Variants in CEP112 observed in about 807,000 individuals in gnomAD.
CEP112 encodes the protein centrosomal protein of 112 kDa.
A neutral mutation model predicts 153.0 loss-of-function variants in CEP112; 127 were observed. That is an observed-to-expected ratio of 0.83 (90% confidence interval 0.72 to 0.96). The LOEUF (loss-of-function observed/expected upper bound fraction) is 0.96, where lower values mean the gene tolerates loss of function less well. Ranked by LOEUF, CEP112 falls within the 40% of genes least tolerant of loss-of-function variation. CEP112 has a pLI of 0.00. For missense variants in CEP112, 1,089 were observed against 1,101.2 expected (o/e 0.99, Z 0.16); for synonymous variants, 358 against 374.4 (o/e 0.96, Z 0.51).
chr17:65,823,270 A>G (rs908796100), intron 21 of CEP112, among the ~76,000 whole-genome samples: 14 of 152,150 alleles, frequency 9.2e-5, no homozygotes, highest in African/African-American at 3.1e-4. Context: ...TATACTACCT[A>G]TCTCTAAGAC....
chr17:65,988,728 GAGAAAAA>G lies in CEP112; in HGVS notation c.1736+16955_1736+16961del, dbSNP rs1259525101. Among the ~76,000 whole-genome samples the G allele has an allele frequency of 1.4e-4, 13 of 92,782 alleles. No homozygotes were observed. The East Asian group carries it at 2.4e-3, about 17-fold the overall frequency. The allele number at this position is 92,782 out of a possible 152,430, so 60.9% of individuals were successfully genotyped here. A position where few individuals can be genotyped will look rare whatever the true frequency, so the allele number is the denominator to read the frequency against. On this transcript the variant is annotated intron_variant, in intron 17 of 26. Coordinates refer to ENST00000535342, the MANE Select transcript of CEP112 (RefSeq NM_001199165.4). ...GCTACTTGAAAACACACATTGAGAG[GAGAAAAA>G]AGAAAAAAGAATGAGAAAAAAAGAT...
intron 4 of CEP112, among the ~76,000 whole-genome samples, chr17:66,144,500 C>A (rs193145398): frequency 6.6e-6 from 1 of 152,222 alleles, no homozygotes; most frequent in East Asian, 1.9e-4. Flanking sequence ...CAGGACCAGC[C>A]TGGCCATCAT....
At chr17:66,131,546 CCTGA>C (rs1225690585) in intron 5 of CEP112, among the ~76,000 whole-genome samples, 2 of 151,492 alleles carry the variant, frequency 1.3e-5, no homozygotes, top group Non-Finnish European at 2.9e-5. Flanking sequence ...TCAAGACCAT[CCTGA>C]CTAACACAGT....
chr17:65,864,729 A>C (rs1187427821), intron 20 of CEP112, among the ~76,000 whole-genome samples: 3 of 152,152 alleles, frequency 2.0e-5, no homozygotes, highest in Non-Finnish European at 2.9e-5. Flanking sequence ...GAGCACTACA[A>C]CACCACCGGC....
chr17:65,802,469 T>C (rs1384652737), intron 21 of CEP112, among the ~76,000 whole-genome samples: 1 of 152,204 alleles, frequency 6.6e-6, no homozygotes, highest in Non-Finnish European at 1.5e-5. Context: ...TAGTCATTTC[T>C]ATGTGTATGT....
At chr17:65,926,288 C>T (rs1360381787) in intron 19 of CEP112, among the ~76,000 whole-genome samples, 1 of 152,204 alleles carries the variant, frequency 6.6e-6, no homozygotes, top group East Asian at 1.9e-4. Flanking sequence ...GAGCTCATGG[C>T]TGGCTCCTTC....
At chr17:65,920,404 T>TATAA (rs1411367503) in intron 19 of CEP112, among the ~76,000 whole-genome samples, 4 of 111,354 alleles carry the variant, frequency 3.6e-5, no homozygotes, top group South Asian at 2.8e-4. Flanking sequence ...TATATATATA[T>TATAA]AATTATAATA....
At chr17:66,067,018 C>A (rs1352162654) in intron 9 of CEP112, 141 bp from the exon 10 acceptor site, 1 of 572 alleles carries the variant, frequency 1.7e-3, no homozygotes, top group Non-Finnish European at 3.7e-3. Context: ...AAATTATAAA[C>A]ACACACACAC....
At chr17:65,720,100 A>G (rs1217971492) in intron 23 of CEP112, among the ~76,000 whole-genome samples, 3 of 152,176 alleles carry the variant, frequency 2.0e-5, no homozygotes, top group Admixed American at 2.0e-4. Context: ...GAGGAAAGGA[A>G]GGGTTGGATC....
At chr17:66,019,472 G>A (rs1363869642) in intron 16 of CEP112, among the ~76,000 whole-genome samples, 1 of 152,118 alleles carries the variant, frequency 6.6e-6, no homozygotes, top group Non-Finnish European at 1.5e-5. Flanking sequence ...ATCACAGCAG[G>A]TTTAATAAAG....
chr17:65,809,790 A>C (rs2055834959), intron 21 of CEP112, among the ~76,000 whole-genome samples: 1 of 152,116 alleles, frequency 6.6e-6, no homozygotes, highest in South Asian at 2.1e-4. Context: ...AGTCATCAGC[A>C]TATAGATGGC....
intron 11 of CEP112, 96 bp from the exon 12 acceptor site, chr17:66,053,975 T>G (rs2066566198): frequency 1.1e-6 from 1 of 898,480 alleles, no homozygotes; most frequent in African/African-American, 1.7e-5. Context: ...CCTCTATTTA[T>G]ATATATGATG....
At chr17:66,160,100 A>T (rs950195643) in intron 4 of CEP112, among the ~76,000 whole-genome samples, 1 of 152,192 alleles carries the variant, frequency 6.6e-6, no homozygotes, top group Non-Finnish European at 1.5e-5. Flanking sequence ...CAATTGCTAC[A>T]AAGAGAATAA....
intron 17 of CEP112, among the ~76,000 whole-genome samples, chr17:65,987,138 A>C (rs968950974): frequency 2.0e-5 from 3 of 152,188 alleles, no homozygotes; most frequent in Admixed American, 6.5e-5. Context: ...AAATATCAGA[A>C]AAGTATGAGG....
chr17:65,927,756 T>C, intron 18 of CEP112, 67 bp from the exon 19 acceptor site: 1 of 986,054 alleles, frequency 1.0e-6, no homozygotes, highest in Non-Finnish European at 1.4e-6. Flanking sequence ...TTTTGTAATT[T>C]GTCCATTTGT....
intron 20 of CEP112, among the ~76,000 whole-genome samples, chr17:65,888,124 T>C (rs2059346952): frequency 6.6e-6 from 1 of 152,136 alleles, no homozygotes; most frequent in Admixed American, 6.5e-5. Context: ...ACATCAGAAC[T>C]CCCATTTCTT....
At chr17:66,009,024 C>G (rs768280999) in intron 16 of CEP112, among the ~76,000 whole-genome samples, 3 of 150,244 alleles carry the variant, frequency 2.0e-5, no homozygotes, top group Middle Eastern at 3.5e-3. Flanking sequence ...ATACTGATTT[C>G]ATTTCCTTTG....
At chr17:65,648,986 G>A (rs761977391) in intron 24 of CEP112, among the ~76,000 whole-genome samples, 8 of 152,102 alleles carry the variant, frequency 5.3e-5, no homozygotes, top group East Asian at 1.9e-4. Flanking sequence ...AGGACGTGGA[G>A]GTTGCAGTGA....
chr17:65,675,975 G>C (rs930033021), intron 24 of CEP112, among the ~76,000 whole-genome samples: 6 of 152,112 alleles, frequency 3.9e-5, no homozygotes, highest in African/African-American at 9.7e-5. Context: ...CTGTGATGAA[G>C]GCAGTCTATA....
Sources: allele counts gnomAD v4.1 joint callset (sites outside exome capture counted in the v4.1 genomes callset), GRCh38; gene constraint gnomAD v4.1.1; transcripts MANE v1.5; gene names NCBI Gene and HGNC (gene_info 2026-07-23, HGNC 2026-07-21).